HELZ: variants seen among roughly 807,000 people sequenced by gnomAD.
HELZ encodes the protein ATP-dependent RNA helicase with zinc finger domain.
Under a neutral mutation model 218.2 loss-of-function variants are expected in HELZ, and 23 were observed. The observed-to-expected ratio is 0.11, with a 90% CI of 0.08 to 0.15. HELZ has a LOEUF of 0.15. Among genes scored for constraint, HELZ ranks in the 10% least tolerant of loss-of-function variants. The pLI is 1.00. For synonymous variants in HELZ, 814 were observed against 829.4 expected (o/e 0.98, Z 0.32); for missense variants, 1,813 against 2,353.7 (o/e 0.77, Z 4.75).
At chr17:67,167,358 G>T in intron 14 of HELZ, 105 bp downstream of exon 14, 1 of 816,682 alleles carries the variant, frequency 1.2e-6, no homozygotes, top group Non-Finnish European at 2.0e-6. Flanking sequence ...TTCAAAGTCA[G>T]CTTTGCTTTT....
At chr17:67,136,303 T>C (rs878997938) in intron 22 of HELZ, 105 bp from the exon 23 acceptor site, 6 of 745,608 alleles carry the variant, frequency 8.0e-6, no homozygotes, top group East Asian at 2.6e-5. Context: ...ATAACAAACA[T>C]TGGCGAAGAT....
At chr17:67,166,144 A>G (rs1299697158) in intron 15 of HELZ, among the ~76,000 whole-genome samples, 1 of 152,140 alleles carries the variant, frequency 6.6e-6, no homozygotes, top group Non-Finnish European at 1.5e-5. Flanking sequence ...CTAAATAAAT[A>G]AATAAAAATT....
At chr17:67,109,789 T>C (rs895710739) in intron 28 of HELZ, 103 bp from the exon 29 acceptor site, 1 of 789,688 alleles carries the variant, frequency 1.3e-6, no homozygotes, top group Non-Finnish European at 2.0e-6. Context: ...GATACATTGA[T>C]ATCTTCCAGC....
At chr17:67,223,370 A>G (rs2040802438) in intron 3 of HELZ, among the ~76,000 whole-genome samples, 1 of 152,224 alleles carries the variant, frequency 6.6e-6, no homozygotes, top group Non-Finnish European at 1.5e-5. Context: ...AAGCACATTA[A>G]GCACACCAAT....
intron 2 of HELZ, among the ~76,000 whole-genome samples, chr17:67,240,264 TCTCA>T (rs1042997650): frequency 3.9e-4 from 60 of 152,316 alleles, no homozygotes; most frequent in African/African-American, 1.4e-3. Context: ...TTTTCTGACT[TCTCA>T]CTCTACTTCC....
chr17:67,209,016 G>T (rs1284482756), intron 5 of HELZ, among the ~76,000 whole-genome samples: 1 of 128,834 alleles, frequency 7.8e-6, no homozygotes, highest in African/African-American at 2.9e-5. Flanking sequence ...AGGAAGGAAG[G>T]AAGGAAGGAA....
At chr17:67,222,421 C>T (rs562215594) in intron 3 of HELZ, among the ~76,000 whole-genome samples, 1 of 152,178 alleles carries the variant, frequency 6.6e-6, no homozygotes, top group Admixed American at 6.5e-5. Context: ...AGGGAGAGCT[C>T]GGTAACATTA....
rs993900712 is a variant in HELZ, at chr17:67,075,716, T to C, written c.*2536A>G. 2 of 152,252 alleles carry C rather than the reference T, an allele frequency of 1.3e-5. No individual in the cohort carries two copies. The highest frequency in any genetic ancestry group is 4.8e-5 in the African/African-American group (2 of 41,456). 9.4% of individuals were successfully genotyped at this position (152,252 alleles called of 1,614,324 possible). ...ATGCTGAGGAAGAGTAAGCTTGTTGTAAGTCAAAATAAGCATTTGATGCAG... is the reference window on the plus strand; with the variant it reads ...ATGCTGAGGAAGAGTAAGCTTGTTGCAAGTCAAAATAAGCATTTGATGCAG... On this transcript the variant is annotated 3_prime_UTR_variant, in exon 33 of 33. Transcript: ENST00000358691.
At chr17:67,244,144 A>T in intron 1 of HELZ, 1 of 313,624 alleles carries the variant, frequency 3.2e-6, no homozygotes, top group Non-Finnish European at 4.5e-6. Context: ...AAATTTCATT[A>T]ATATGAGTTT....
chr17:67,092,307 G>A (rs12451919), intron 31 of HELZ, among the ~76,000 whole-genome samples: 45,535 of 152,026 alleles, frequency 0.3, 7,906 homozygotes, highest in East Asian at 0.69. Flanking sequence ...GAGGAATGGT[G>A]TCTGTGGAAG....
chr17:67,157,386 G>A (rs868425574), intron 17 of HELZ, among the ~76,000 whole-genome samples: 3 of 152,192 alleles, frequency 2.0e-5, no homozygotes, highest in Middle Eastern at 3.2e-3. Context: ...GTTGAAGCTA[G>A]TAAGAATACA....
In HELZ at chr17:67,094,333, A is replaced by AAAAGAGAGAGAGAG. The variant is rs528061407; in HGVS notation, c.5242-7253_5242-7252insCTCTCTCTCTCTTT. On this transcript the variant is annotated intron_variant, in intron 31 of 32. Transcript: ENST00000358691. The stretch of plus-strand genomic sequence containing the variant: ...GGAGACCTGGTCTTGAAAAAAAAAA[A>AAAAGAGAGAGAGAG]AGAGAGAGAGAGAGAGAGAGATACA... Among the ~76,000 whole-genome samples, 103 of 146,628 alleles carry AAAAGAGAGAGAGAG rather than the reference A, an allele frequency of 7.0e-4. 2 individuals carry two copies. The highest frequency in any genetic ancestry group is 2.5e-3 in the African/African-American group (96 of 38,026).
Position 67,167,781 on chromosome 17 carries a change from C to T in HELZ, c.1446G>A (p.Val482=). ...YKEISKFNLK[V]QLQILASFML... is the part of the protein sequence containing the mutation. ...TGAAGCTTGCCAGAATCTGCAATTG[C>T]ACTTTAAGGTTGAACCTAAACCAGA... Residue 482 remains valine (V), a synonymous_variant, in exon 14 of 33, where the codon GTG becomes GTA. Coordinates refer to ENST00000358691, the MANE Select transcript of HELZ (RefSeq NM_014877.4). 1 of 1,609,232 alleles carries T rather than the reference C, an allele frequency of 6.2e-7. No homozygotes were observed. The highest frequency in any genetic ancestry group is 1.1e-5 in the South Asian group (1 of 90,532).
At chr17:67,092,897 G>GT (rs531576795) in intron 31 of HELZ, among the ~76,000 whole-genome samples, 2 of 151,720 alleles carry the variant, frequency 1.3e-5, no homozygotes, top group African/African-American at 2.4e-5. Context: ...ACCGGCGGGG[G>GT]GGGGAAGTTG....
upstream of HELZ, chr17:67,245,278 C>A (rs915508325): frequency 5.3e-6 from 5 of 941,848 alleles, no homozygotes; most frequent in Non-Finnish European, 6.3e-6. Context: ...GCGCCGCCCC[C>A]TCCGGCCGCG....
intron 14 of HELZ, among the ~76,000 whole-genome samples, 183 bp from the exon 15 acceptor site, chr17:67,166,791 A>G (rs142773534): frequency 4.4e-4 from 67 of 152,324 alleles, no homozygotes; most frequent in African/African-American, 1.5e-3. Context: ...ATAACCAGGC[A>G]CTGTAACAAG....
chr17:67,077,130 G>A lies in HELZ; in HGVS notation c.*1122C>T, dbSNP rs2036038073. The A allele has an allele frequency of 6.6e-6, 1 of 152,520 alleles. No homozygotes were observed. The highest frequency in any genetic ancestry group is 2.1e-4 in the South Asian group (1 of 4,830). The allele number at this position is 152,520 out of a possible 1,614,324, so 9.4% of individuals were successfully genotyped here. ...TTGAAAGACATGAAAAACAAGGGTA[G>A]TTTTCTGCCCCAGATTCTGATGAAT... On this transcript the variant is annotated 3_prime_UTR_variant, in exon 33 of 33. Coordinates refer to ENST00000358691, the MANE Select transcript of HELZ (RefSeq NM_014877.4).
At chr17:67,212,659 A>T (rs980604026) in intron 5 of HELZ, among the ~76,000 whole-genome samples, 9 of 152,198 alleles carry the variant, frequency 5.9e-5, no homozygotes, top group African/African-American at 1.4e-4. Flanking sequence ...GGATTTATTT[A>T]AAAAATGACC....
chr17:67,078,859 A>G (rs1009298716), intron 32 of HELZ, among the ~76,000 whole-genome samples: 6 of 152,218 alleles, frequency 3.9e-5, no homozygotes, highest in African/African-American at 1.2e-4. Flanking sequence ...AAAAATAAAA[A>G]ACTAGTTTGT....
Sources: allele counts gnomAD v4.1 joint callset (sites outside exome capture counted in the v4.1 genomes callset), GRCh38; gene constraint gnomAD v4.1.1; transcripts MANE v1.5; gene names NCBI Gene and HGNC (gene_info 2026-07-23, HGNC 2026-07-21).